Variants in ELF2 observed in about 807,000 individuals in gnomAD.
The protein encoded by ELF2 is E74 like ETS transcription factor 2, also known as ETS-related transcription factor Elf-2.
ELF2 carries 11 observed loss-of-function variants against 54.8 expected under a neutral mutation model. The observed-to-expected ratio is 0.20, with a 90% CI of 0.13 to 0.33. The LOEUF (loss-of-function observed/expected upper bound fraction) is 0.33, where lower values mean the gene tolerates loss of function less well. Ranked by LOEUF, ELF2 falls within the 10% of genes least tolerant of loss-of-function variation. The probability of loss-of-function intolerance (pLI) is 1.00; values close to 1 mark genes in which losing one functional copy is unlikely to be tolerated. For synonymous variants in ELF2, 203 were observed against 245.1 expected, an observed-to-expected ratio of 0.83 and a Z score of 1.61; for missense variants, 513 against 703.0, an observed-to-expected ratio of 0.73 and a Z score of 3.06.
chr4:139,104,524 A>G (rs1042100922), intron 4 of ELF2, among the ~76,000 whole-genome samples: 10 of 147,276 alleles, frequency 6.8e-5, no homozygotes, highest in Admixed American at 2.1e-4. Flanking sequence ...AAAAAAAAAA[A>G]AAAGAAAAGA....
At chr4:139,123,998 CCAGACTA>C (rs1476737359) in intron 4 of ELF2, among the ~76,000 whole-genome samples, 1 of 152,148 alleles carries the variant, frequency 6.6e-6, no homozygotes, top group African/African-American at 2.4e-5. Flanking sequence ...AGATACCACT[CCAGACTA>C]CAGTCACGAA....
At chr4:139,101,203 T>G (rs1733845609) in intron 4 of ELF2, among the ~76,000 whole-genome samples, 2 of 152,234 alleles carry the variant, frequency 1.3e-5, no homozygotes, top group South Asian at 4.1e-4. Flanking sequence ...CCTTAGGTTA[T>G]GAAGAGTTGT....
intron 3 of ELF2, among the ~76,000 whole-genome samples, chr4:139,130,182 G>C (rs1261343645): frequency 6.6e-6 from 1 of 151,784 alleles, no homozygotes; most frequent in Non-Finnish European, 1.5e-5. Context: ...CCAGAAGCTA[G>C]GAGAGAGGCA....
intron 4 of ELF2, among the ~76,000 whole-genome samples, chr4:139,111,684 T>C (rs990980502): frequency 1.3e-5 from 2 of 152,164 alleles, no homozygotes; most frequent in African/African-American, 4.8e-5. Flanking sequence ...CAAATGGGCA[T>C]GGACAATGGA....
intron 3 of ELF2, among the ~76,000 whole-genome samples, chr4:139,126,272 A>G (rs915442462): frequency 3.3e-5 from 5 of 152,190 alleles, no homozygotes; most frequent in Non-Finnish European, 5.9e-5. Context: ...AAAACAGGAG[A>G]GAAAAGATGG....
intron 3 of ELF2, among the ~76,000 whole-genome samples, chr4:139,135,310 GCTC>G (rs1457073149): frequency 2.0e-5 from 3 of 148,992 alleles, no homozygotes; most frequent in East Asian, 2.0e-4. Context: ...CTGAAAAACT[GCTC>G]CTAAGACAAA....
chr4:139,140,330 T>C (rs890625873), intron 1 of ELF2, among the ~76,000 whole-genome samples: 2 of 152,242 alleles, frequency 1.3e-5, no homozygotes, highest in African/African-American at 2.4e-5. Context: ...CAAAGGCTAA[T>C]GTATTGACTT....
intron 1 of ELF2, among the ~76,000 whole-genome samples, chr4:139,167,061 C>G (rs1414628867): frequency 1.3e-5 from 2 of 152,138 alleles, no homozygotes; most frequent in African/African-American, 4.8e-5. Context: ...TTTACTTTTT[C>G]TCCCTACTTG....
intron 4 of ELF2, chr4:139,115,257 C>G: frequency 6.2e-7 from 1 of 1,607,706 alleles, no homozygotes; most frequent in African/African-American, 1.3e-5. Flanking sequence ...CGCCCGGGCC[C>G]TCTCCTGCGG....
intron 4 of ELF2, among the ~76,000 whole-genome samples, chr4:139,103,410 G>A (rs1734112178): frequency 6.6e-6 from 1 of 152,142 alleles, no homozygotes; most frequent in Admixed American, 6.5e-5. Flanking sequence ...CTGGGCCTCG[G>A]GAAACAGGGC....
In ELF2 at chr4:139,109,690, A is replaced by G. The variant is rs570183411; in HGVS notation, c.238+15474T>C. Among the ~76,000 whole-genome samples the G allele has an allele frequency of 2.0e-3, 299 of 152,382 alleles. 1 individual carries two copies. Among genetic ancestry groups the G allele is most frequent in the Non-Finnish European group, 3.1e-3 (212 of 68,038 alleles). On this transcript the variant is annotated intron_variant, in intron 4 of 9. Coordinates refer to ENST00000686138, the MANE Select transcript of ELF2 (RefSeq NM_001331036.3). ...AAAGGAATGAAATCGTGTCCTTTGT[A>G]GCAACATGGAACAGCCGGAGGCTAA...
At chr4:139,103,735 C>A (rs992411339) in intron 4 of ELF2, among the ~76,000 whole-genome samples, 2 of 152,198 alleles carry the variant, frequency 1.3e-5, no homozygotes, top group African/African-American at 4.8e-5. Context: ...AGAGGACACC[C>A]AGCTGGTGTC....
chr4:139,110,619 T>C (rs1734861983), intron 4 of ELF2, among the ~76,000 whole-genome samples: 1 of 152,224 alleles, frequency 6.6e-6, no homozygotes, highest in African/African-American at 2.4e-5. Context: ...ACAATATCCC[T>C]AAGTGGCATT....
At chr4:139,075,185 A>G (rs1730116514) in intron 4 of ELF2, among the ~76,000 whole-genome samples, 1 of 152,200 alleles carries the variant, frequency 6.6e-6, no homozygotes, top group African/African-American at 2.4e-5. Context: ...TGTTACTTGT[A>G]AAACAATGTG....
At chr4:139,080,823 TAA>T (rs1731001894) in intron 4 of ELF2, among the ~76,000 whole-genome samples, 2 of 151,504 alleles carry the variant, frequency 1.3e-5, no homozygotes, top group Admixed American at 6.6e-5. Flanking sequence ...CTTAAACATA[TAA>T]AGAGCCTCAA....
chr4:139,064,480 G>C (rs539004110), intron 7 of ELF2, among the ~76,000 whole-genome samples: 1 of 152,186 alleles, frequency 6.6e-6, no homozygotes, highest in African/African-American at 2.4e-5. Context: ...TCAAAGTACT[G>C]ATGTTTTGTC....
At chr4:139,132,657 T>C (rs1219081973) in intron 3 of ELF2, among the ~76,000 whole-genome samples, 1 of 152,024 alleles carries the variant, frequency 6.6e-6, no homozygotes, top group East Asian at 1.9e-4. Context: ...TGTAGATATG[T>C]CAATTGCTTA....
chr4:139,154,151 A>G (rs937216742), intron 1 of ELF2, among the ~76,000 whole-genome samples: 2 of 152,218 alleles, frequency 1.3e-5, no homozygotes, highest in Admixed American at 6.5e-5. Context: ...CTGAAGAGCT[A>G]GTATGATTTA....
At chr4:139,087,872 G>T (rs970924639) in intron 4 of ELF2, among the ~76,000 whole-genome samples, 2 of 152,078 alleles carry the variant, frequency 1.3e-5, no homozygotes, top group African/African-American at 4.8e-5. Flanking sequence ...TCATTTCAAG[G>T]GTTTGAGTTG....
Sources: gnomAD v4.1 joint callset for allele counts (sites outside exome capture counted in the v4.1 genomes callset) on GRCh38, gnomAD v4.1.1 for gene constraint, MANE v1.5 for transcripts, NCBI Gene and HGNC (gene_info 2026-07-23, HGNC 2026-07-21) for gene names.